SV2B: variants seen among roughly 807,000 people sequenced by gnomAD.
SV2B encodes synaptic vesicle glycoprotein 2B.
Under a neutral mutation model 73.9 loss-of-function variants are expected in SV2B, and 41 were observed. The ratio of observed to expected loss-of-function variants is 0.56; its 90% CI spans 0.43 to 0.72. The LOEUF is 0.72. Among genes scored for constraint, SV2B ranks in the 30% least tolerant of loss-of-function variants. SV2B has a pLI of 0.00. For synonymous variants in SV2B, 314 were observed against 314.2 expected, an observed-to-expected ratio of 1.00 and a Z score of 0.01; for missense variants, 764 against 857.8, an observed-to-expected ratio of 0.89 and a Z score of 1.37.
rs1307761408 is a variant in SV2B at position 91,239,323 on chromosome 15, T to C, written c.452-12496T>C. ...GTCCAAAGAAGTTTTGTCCTTGCCT[T>C]GTCCTCTCTGCCTCACCTCTCGGTG... On this transcript the variant is annotated intron_variant, in intron 2 of 12. Coordinates refer to ENST00000394232, the MANE Select transcript of SV2B (RefSeq NM_001323032.3). This position sits in a 1 kb window ranked among gnomAD's most constrained non-coding sequence, Gnocchi z 5.1. Among the ~76,000 whole-genome samples, 2 of 152,002 alleles carry C rather than the reference T, an allele frequency of 1.3e-5. No individual in the cohort carries two copies. The highest frequency in any genetic ancestry group is 4.8e-5 in the African/African-American group (2 of 41,386).
Position 91,290,123 on chromosome 15 carries a change from G to T in SV2B, c.1868+443G>T, listed in dbSNP as rs144117838. On this transcript the variant is annotated intron_variant, in intron 12 of 12. Coordinates refer to ENST00000394232, the MANE Select transcript of SV2B (RefSeq NM_001323032.3). This position sits in a 1 kb window ranked among gnomAD's most constrained non-coding sequence, Gnocchi z 4.7. ...GCAGAGAATGTGGCAGGGAGGCCCA[G>T]GGGTTACTTTTATTTTGCACAGGTC... is the stretch of plus-strand genomic sequence containing the variant. Among the ~76,000 whole-genome samples, 64 of 152,288 alleles carry T rather than the reference G, an allele frequency of 4.2e-4. No homozygotes were observed. Among genetic ancestry groups the T allele is most frequent in the African/African-American group, 1.4e-3 (59 of 41,548 alleles).
chr15:91,219,582 G>C (rs1352328338), intron 1 of SV2B, among the ~76,000 whole-genome samples: 1 of 152,072 alleles, frequency 6.6e-6, no homozygotes, highest in African/African-American at 2.4e-5. Context: ...ATTTTAATAG[G>C]TTAAATATTT....
chr15:91,192,058 G>C (rs1235626311), intron 1 of SV2B, among the ~76,000 whole-genome samples: 2 of 152,090 alleles, frequency 1.3e-5, no homozygotes, highest in Non-Finnish European at 2.9e-5. Flanking sequence ...TGGTCTCTCT[G>C]TCTCCTGCCC....
At chr15:91,244,156 C>T (rs1321919748) in intron 2 of SV2B, among the ~76,000 whole-genome samples, 2 of 152,182 alleles carry the variant, frequency 1.3e-5, no homozygotes, top group African/African-American at 4.8e-5. Context: ...CTCTTAACCT[C>T]AGTTTCCTCA....
chr15:91,207,794 C>G lies in SV2B; in HGVS notation c.-391-18079C>G, dbSNP rs115123000. Among the ~76,000 whole-genome samples, 1,190 of 152,258 alleles carry G rather than the reference C, an allele frequency of 7.8e-3. 16 individuals are homozygous for G. The highest frequency in any genetic ancestry group is 0.027 in the African/African-American group (1,133 of 41,536). On this transcript the variant is annotated intron_variant, in intron 1 of 12. Transcript: ENST00000394232. The stretch of plus-strand genomic sequence containing the variant: ...TGATTGGAGGGCAAAAGAGCATGCT[C>G]TATTGGTAATAAACTGGGGAGGAAC...
At chr15:91,195,119 T>A (rs995765998) in intron 1 of SV2B, among the ~76,000 whole-genome samples, 1 of 152,182 alleles carries the variant, frequency 6.6e-6, no homozygotes, top group African/African-American at 2.4e-5. Flanking sequence ...CCTGGCTGAT[T>A]CAGTAACTAC....
intron 1 of SV2B, among the ~76,000 whole-genome samples, chr15:91,222,086 T>C (rs1334085749): frequency 6.6e-6 from 1 of 152,152 alleles, no homozygotes; most frequent in African/African-American, 2.4e-5. Context: ...TCTCCATTGT[T>C]TGTTTCTCTG....
intron 1 of SV2B, among the ~76,000 whole-genome samples, chr15:91,196,980 AG>A (rs1317857734): frequency 6.6e-6 from 1 of 152,184 alleles, no homozygotes; most frequent in Non-Finnish European, 1.5e-5. Context: ...GCACTGCTGC[AG>A]GGGGAAGTTT....
At position 91,266,607 on chromosome 15, in the gene SV2B, A is replaced by G; in HGVS notation, c.1034A>G (p.Gln345Arg). The G allele has an allele frequency of 6.2e-7, 1 of 1,614,196 alleles. No homozygotes were observed. The highest frequency in any genetic ancestry group is 8.5e-7 in the Non-Finnish European group (1 of 1,180,026). Residue 345 changes from glutamine (Q) to arginine (R), a missense_variant, in exon 7 of 13, where the codon CAA becomes CGA. Coordinates refer to ENST00000394232, the MANE Select transcript of SV2B (RefSeq NM_001323032.3). ...FTVSNIKTPK[Q>R]MDEFIEIQSS... The stretch of plus-strand genomic sequence containing the variant: ...GTTTCCAACATCAAAACTCCCAAGC[A>G]AATGGATGAATTCATTGAGATCCAA...
rs2049193584 is a variant in SV2B, at chr15:91,295,598, A to T, written c.*3046A>T. 6.6e-6 allele frequency: 1 copy of T among 152,170 alleles called. No homozygotes were observed. The highest frequency in any genetic ancestry group is 1.5e-5 in the Non-Finnish European group (1 of 68,044). The allele number at this position is 152,170 out of a possible 1,614,324, so 9.4% of individuals were successfully genotyped here. On this transcript the variant is annotated 3_prime_UTR_variant, in exon 13 of 13. Transcript: ENST00000394232. Reference sequence around the variant, plus strand: ...ACATGTAATGTGAGGAGTGGGCGAGAAGGCCTAAGGTGATGCTCTCATGAC... The same window carrying T: ...ACATGTAATGTGAGGAGTGGGCGAGTAGGCCTAAGGTGATGCTCTCATGAC...
At chr15:91,103,298 T>A (rs2041788487) in intron 1 of SV2B, among the ~76,000 whole-genome samples, 1 of 152,200 alleles carries the variant, frequency 6.6e-6, no homozygotes, top group South Asian at 2.1e-4. Flanking sequence ...GATGGAGGAC[T>A]GTGTTTGTGC....
chr15:91,114,513 A>G (rs1352118188), intron 1 of SV2B, among the ~76,000 whole-genome samples: 1 of 152,162 alleles, frequency 6.6e-6, no homozygotes, highest in Non-Finnish European at 1.5e-5. Flanking sequence ...GGCCCTGACA[A>G]TGTGAGCTTG....
intron 1 of SV2B, among the ~76,000 whole-genome samples, chr15:91,172,820 A>T (rs529489312): frequency 4.2e-4 from 64 of 152,326 alleles, no homozygotes; most frequent in African/African-American, 1.5e-3. Flanking sequence ...TAATATACGT[A>T]AAGTACTAAA....
At chr15:91,187,906 C>A (rs778991804) in intron 1 of SV2B, among the ~76,000 whole-genome samples, 3 of 151,854 alleles carry the variant, frequency 2.0e-5, no homozygotes, top group Non-Finnish European at 4.4e-5. Flanking sequence ...AGCTTTGATT[C>A]GTTTTATTTG....
At chr15:91,210,965 G>T (rs1025820984) in intron 1 of SV2B, among the ~76,000 whole-genome samples, 1 of 152,210 alleles carries the variant, frequency 6.6e-6, no homozygotes, top group Non-Finnish European at 1.5e-5. Context: ...CCAGGCAGTA[G>T]GTGCCCCTGA....
At chr15:91,263,313 C>T (rs1033261405) in intron 6 of SV2B, among the ~76,000 whole-genome samples, 3 of 151,436 alleles carry the variant, frequency 2.0e-5, no homozygotes, top group African/African-American at 7.3e-5. Context: ...CAGGAACACA[C>T]GGACACACAG....
intron 1 of SV2B, among the ~76,000 whole-genome samples, chr15:91,179,465 G>C (rs544641834): frequency 6.6e-6 from 1 of 152,174 alleles, no homozygotes; most frequent in South Asian, 2.1e-4. Flanking sequence ...TTTCTGTCTC[G>C]TTGATCTGTC....
rs1000845611 is a variant in SV2B at position 91,141,164 on chromosome 15, C to A, written c.-392+40801C>A. On this transcript the variant is annotated intron_variant, in intron 1 of 12. Transcript: ENST00000394232. This position sits in a 1 kb window ranked among gnomAD's most constrained non-coding sequence, Gnocchi z 4.6. ...AGCCCTTTCTTCCACCCCATTCCCA[C>A]AGGATTTTCTTCGGTAGGTCTGCAT... is the stretch of plus-strand genomic sequence containing the variant. Among the ~76,000 whole-genome samples the A allele has an allele frequency of 2.6e-5, 4 of 152,182 alleles. No homozygotes were observed. The highest frequency in any genetic ancestry group is 5.9e-5 in the Non-Finnish European group (4 of 68,036).
Position 91,258,272 on chromosome 15 carries a change from G to T in SV2B, c.785-149G>T. 1 of 1,039,302 alleles carries T rather than the reference G, an allele frequency of 9.6e-7. No homozygotes were observed. The highest frequency in any genetic ancestry group is 1.3e-6 in the Non-Finnish European group (1 of 752,030). 64.4% of individuals were successfully genotyped at this position (1,039,302 alleles called of 1,614,324 possible). ...CCCAGGCTTATGACTCAGAAGCTTC[G>T]GAGGCACAGCTGAGGAGTCTGCATT... On this transcript the variant is annotated intron_variant, in intron 4 of 12. Transcript: ENST00000394232. This position sits in a 1 kb window ranked among gnomAD's most constrained non-coding sequence, Gnocchi z 4.7.
Sources: gnomAD v4.1 joint callset for allele counts (sites outside exome capture counted in the v4.1 genomes callset) on GRCh38, gnomAD v4.1.1 for gene constraint, Gnocchi (gnomAD v3.1) non-coding constraint, MANE v1.5 for transcripts, NCBI Gene and HGNC (gene_info 2026-07-23, HGNC 2026-07-21) for gene names.